FOXN3: variants seen among roughly 807,000 people sequenced by gnomAD.
FOXN3 encodes forkhead box protein N3.
FOXN3 carries 7 observed loss-of-function variants against 38.4 expected under a neutral mutation model. The ratio of observed to expected loss-of-function variants is 0.18; its 90% CI spans 0.10 to 0.34. FOXN3 has a LOEUF of 0.34. Among genes scored for constraint, FOXN3 ranks in the 10% least tolerant of loss-of-function variants. The pLI is 1.00. For missense variants in FOXN3, 456 were observed against 613.4 expected (o/e 0.74, Z 2.71); for synonymous variants, 230 against 242.2 (o/e 0.95, Z 0.47).
chr14:89,444,957 C>A lies in FOXN3; in HGVS notation c.-14-32467G>T, dbSNP rs578111840. 2.3e-3 allele frequency among the ~76,000 whole-genome samples: 348 copies of A among 151,524 alleles called. 1 individual carries two copies. Among genetic ancestry groups the A allele is most frequent in the Admixed American group, 6.8e-3 (104 of 15,190 alleles). ...GCAACATAGCAAGACCCCATCTCTA[C>A]AAAAAAAATACAAAAATTAGCTGGA... is the stretch of plus-strand genomic sequence containing the variant. On this transcript the variant is annotated intron_variant, in intron 1 of 6. Coordinates refer to the FOXN3 transcript ENST00000345097.
At chr14:89,525,355 T>C (rs1894412462) in intron 1 of FOXN3, among the ~76,000 whole-genome samples, 1 of 152,126 alleles carries the variant, frequency 6.6e-6, no homozygotes, top group Non-Finnish European at 1.5e-5. Flanking sequence ...ATAATGCAAT[T>C]AGCATGCTAA....
chr14:89,585,551 C>T (rs1484738812), intron 1 of FOXN3, among the ~76,000 whole-genome samples: 1 of 152,030 alleles, frequency 6.6e-6, no homozygotes, highest in Non-Finnish European at 1.5e-5. Flanking sequence ...CCAGGCATTA[C>T]TGGAGGCCCT....
At chr14:89,349,470 GTA>G (rs2140006624) in intron 3 of FOXN3, 2 of 152,692 alleles carry the variant, frequency 1.3e-5, no homozygotes, top group South Asian at 4.1e-4. Context: ...AGGCAACAGT[GTA>G]TATCTAAGTA....
intron 1 of FOXN3, among the ~76,000 whole-genome samples, chr14:89,594,834 C>T (rs1485879495): frequency 1.3e-5 from 2 of 151,806 alleles, no homozygotes; most frequent in Non-Finnish European, 2.9e-5. Context: ...TGCAGTGAGT[C>T]GAGATCCAGC....
rs1887078758 is a variant in FOXN3 at position 89,160,783 on chromosome 14, T to G, written c.*1631A>C. 1 of 152,526 alleles carries G rather than the reference T, an allele frequency of 6.6e-6. No homozygotes were observed. The highest frequency in any genetic ancestry group is 2.4e-5 in the African/African-American group (1 of 41,386). The allele number at this position is 152,526 out of a possible 1,614,324, so 9.4% of individuals were successfully genotyped here. ...CAAGCCCTACCAGAGCATGAAGATA[T>G]TTTTATATTGCAGAGTAAGTTCCCC... On this transcript the variant is annotated 3_prime_UTR_variant, in exon 6 of 6. Coordinates refer to ENST00000557258, the MANE Select transcript of FOXN3 (RefSeq NM_005197.4).
chr14:89,567,718 T>C (rs1262303297), intron 1 of FOXN3, among the ~76,000 whole-genome samples: 1 of 118,834 alleles, frequency 8.4e-6, no homozygotes, highest in South Asian at 2.7e-4. Context: ...ACAAATCTCG[T>C]TGATTTTTTT....
chr14:89,310,774 G>A (rs117847080), intron 3 of FOXN3, among the ~76,000 whole-genome samples: 8,902 of 151,962 alleles, frequency 0.059, 404 homozygotes, highest in Non-Finnish European at 0.081. Context: ...TTCTACACTC[G>A]GCAACCCTTT....
chr14:89,180,835 G>C, intron 4 of FOXN3, 29 bp from the exon 5 acceptor site: 1 of 1,546,598 alleles, frequency 6.5e-7, no homozygotes, highest in Non-Finnish European at 8.8e-7. Flanking sequence ...GAAAGACACC[G>C]CACGTGAATT....
chr14:89,273,732 C>A (rs17188325), intron 4 of FOXN3, among the ~76,000 whole-genome samples: 25 of 152,108 alleles, frequency 1.6e-4, no homozygotes, highest in Admixed American at 1.6e-3. Flanking sequence ...GTAAATTCAC[C>A]GCTGATTGTA....
At chr14:89,203,372 G>C (rs1273011371) in intron 4 of FOXN3, among the ~76,000 whole-genome samples, 1 of 152,204 alleles carries the variant, frequency 6.6e-6, no homozygotes, top group African/African-American at 2.4e-5. Flanking sequence ...TCAAAGTCTA[G>C]GGCGTTCTTC....
At chr14:89,190,910 A>G (rs1887924701) in intron 4 of FOXN3, among the ~76,000 whole-genome samples, 1 of 152,154 alleles carries the variant, frequency 6.6e-6, no homozygotes, top group South Asian at 2.1e-4. Flanking sequence ...GGTCATTTCC[A>G]TTTGTCAGCA....
At chr14:89,569,857 C>A (rs1223179801) in intron 1 of FOXN3, among the ~76,000 whole-genome samples, 1 of 152,076 alleles carries the variant, frequency 6.6e-6, no homozygotes, top group African/African-American at 2.4e-5. Context: ...CTCTTACCAC[C>A]CAGGGAGCTA....
intron 3 of FOXN3, among the ~76,000 whole-genome samples, chr14:89,296,681 G>A (rs1680340836): frequency 6.6e-6 from 1 of 152,192 alleles, no homozygotes; most frequent in Admixed American, 6.5e-5. Context: ...TGTCGTCTAG[G>A]CTGGAGCGCA....
At chr14:89,221,575 C>A (rs1193625813) in intron 4 of FOXN3, among the ~76,000 whole-genome samples, 1 of 152,148 alleles carries the variant, frequency 6.6e-6, no homozygotes, top group Non-Finnish European at 1.5e-5. Context: ...TCTGATTTTT[C>A]TTCAACACAG....
At chr14:89,509,944 GAGAAGGGCATGTTTCCCATGA>G (rs1386072494) in intron 1 of FOXN3, among the ~76,000 whole-genome samples, 1 of 152,180 alleles carries the variant, frequency 6.6e-6, no homozygotes, top group South Asian at 2.1e-4. Flanking sequence ...GGACATCATG[GAGAAGGGCATGTTTCCCATGA>G]AGAAGGGCAT....
intron 2 of FOXN3, among the ~76,000 whole-genome samples, chr14:89,360,450 T>G (rs1454148625): frequency 2.1e-4 from 23 of 107,564 alleles, no homozygotes; most frequent in African/African-American, 3.4e-4. Flanking sequence ...AGGGAAAGGA[T>G]GAGAGGGAGA....
chr14:89,280,775 G>C (rs1886434200), intron 4 of FOXN3, among the ~76,000 whole-genome samples, 175 bp downstream of exon 4: 1 of 152,038 alleles, frequency 6.6e-6, no homozygotes, highest in African/African-American at 2.4e-5. Context: ...AGCTTGAGTA[G>C]GAACAAATAA....
At chr14:89,476,772 C>T (rs1018217301) in intron 1 of FOXN3, among the ~76,000 whole-genome samples, 2 of 152,212 alleles carry the variant, frequency 1.3e-5, no homozygotes, top group African/African-American at 4.8e-5. Flanking sequence ...TTTTCAAATG[C>T]TATCCCCCCA....
intron 4 of FOXN3, among the ~76,000 whole-genome samples, chr14:89,201,710 C>T (rs986097545): frequency 1.3e-5 from 2 of 152,194 alleles, no homozygotes; most frequent in Non-Finnish European, 2.9e-5. Context: ...GTTTTTCCCC[C>T]TCTCTATGCT....
Sources: gnomAD v4.1 joint callset for allele counts (sites outside exome capture counted in the v4.1 genomes callset) on GRCh38, gnomAD v4.1.1 for gene constraint, MANE v1.5 for transcripts, NCBI Gene and HGNC (gene_info 2026-07-23, HGNC 2026-07-21) for gene names.